The following CTNNA3 variants were observed in gnomAD, a reference collection of about 807,000 sequenced individuals.
CTNNA3 encodes the protein catenin alpha-3.
In CTNNA3, 76 loss-of-function variants were observed where a neutral mutation model predicts 95.7. The ratio of observed to expected loss-of-function variants is 0.79; its 90% CI spans 0.66 to 0.96. CTNNA3 has a LOEUF of 0.96. Among genes scored for constraint, CTNNA3 ranks in the 40% least tolerant of loss-of-function variants. The probability of loss-of-function intolerance (pLI) is 0.00; values close to 1 mark genes in which losing one functional copy is unlikely to be tolerated. For synonymous variants in CTNNA3, 431 were observed against 374.4 expected (o/e 1.15, Z -1.74); for missense variants, 1,191 against 1,089.8 (o/e 1.09, Z -1.31).
chr10:66,546,276 G>A (rs1456582052), intron 10 of CTNNA3, among the ~76,000 whole-genome samples: 1 of 152,060 alleles, frequency 6.6e-6, no homozygotes, highest in African/African-American at 2.4e-5. Context: ...ATATGAGGGA[G>A]AACTCAAATT....
intron 13 of CTNNA3, among the ~76,000 whole-genome samples, chr10:66,173,961 C>G (rs1315681356): frequency 6.6e-6 from 1 of 152,040 alleles, no homozygotes; most frequent in Non-Finnish European, 1.5e-5. Flanking sequence ...AGATTAGGAG[C>G]CAGGCAGTCT....
intron 3 of CTNNA3, among the ~76,000 whole-genome samples, chr10:67,555,179 T>A (rs922379087): frequency 2.0e-5 from 3 of 152,118 alleles, no homozygotes; most frequent in African/African-American, 4.8e-5. Context: ...GTTTGAAGTC[T>A]GGTAGTGTGA....
At chr10:67,169,340 C>T (rs972399093) in intron 7 of CTNNA3, among the ~76,000 whole-genome samples, 9 of 146,484 alleles carry the variant, frequency 6.1e-5, no homozygotes, top group Non-Finnish European at 1.2e-4. Context: ...CAATCCTAAG[C>T]AAAAAAAAAC....
intron 11 of CTNNA3, among the ~76,000 whole-genome samples, chr10:66,427,981 C>T (rs1761494602): frequency 6.6e-6 from 1 of 152,052 alleles, no homozygotes; most frequent in Admixed American, 6.6e-5. Flanking sequence ...AGTCAAGACC[C>T]ATCAGTGTGC....
chr10:67,135,177 A>G (rs1255908281), intron 7 of CTNNA3, among the ~76,000 whole-genome samples: 1 of 152,134 alleles, frequency 6.6e-6, no homozygotes, highest in Non-Finnish European at 1.5e-5. Flanking sequence ...TCATTAATGA[A>G]TATGGGTGAC....
chr10:67,143,534 C>T lies in CTNNA3; in HGVS notation c.1047+36783G>A, dbSNP rs191319025. Reference sequence around the variant, plus strand: ...TTGTAGTCAATCCTCTCAAACCCTGCCACTGTTTTTTCAACTAAGTTTATG... The same window carrying T: ...TTGTAGTCAATCCTCTCAAACCCTGTCACTGTTTTTTCAACTAAGTTTATG... On this transcript the variant is annotated intron_variant, in intron 7 of 17. Coordinates refer to ENST00000433211, the MANE Select transcript of CTNNA3 (RefSeq NM_013266.4). Among the ~76,000 whole-genome samples the T allele has an allele frequency of 1.1e-3, 170 of 151,826 alleles. 1 individual carries two copies. The highest frequency in any genetic ancestry group is 4.0e-3 in the African/African-American group (164 of 41,430).
At chr10:66,342,074 TATTCTA>T (rs2092459712) in intron 12 of CTNNA3, among the ~76,000 whole-genome samples, 1 of 151,992 alleles carries the variant, frequency 6.6e-6, no homozygotes, top group Non-Finnish European at 1.5e-5. Flanking sequence ...CAGATTTCAA[TATTCTA>T]ATTCTAATTC....
At chr10:66,247,104 C>T (rs553950109) in intron 13 of CTNNA3, among the ~76,000 whole-genome samples, 2 of 147,186 alleles carry the variant, frequency 1.4e-5, no homozygotes, top group Admixed American at 1.3e-4. Context: ...TTTGAAAATA[C>T]ACAACCAGAG....
At chr10:66,357,965 A>G (rs1470838468) in intron 12 of CTNNA3, among the ~76,000 whole-genome samples, 1 of 152,180 alleles carries the variant, frequency 6.6e-6, no homozygotes, top group Non-Finnish European at 1.5e-5. Context: ...TGTCTGTTCA[A>G]TGACATTTAA....
intron 7 of CTNNA3, among the ~76,000 whole-genome samples, chr10:66,889,053 A>G (rs187424026): frequency 6.6e-6 from 1 of 152,366 alleles, no homozygotes; most frequent in Admixed American, 6.5e-5. Flanking sequence ...GAAATGAGCT[A>G]TCCAGCCATG....
chr10:66,161,632 T>A (rs1414408766), intron 13 of CTNNA3, among the ~76,000 whole-genome samples: 1 of 152,114 alleles, frequency 6.6e-6, no homozygotes, highest in Non-Finnish European at 1.5e-5. Context: ...CTCTTAAGAG[T>A]CTTTCTTTCA....
At chr10:67,012,679 C>T (rs1852412258) in intron 7 of CTNNA3, among the ~76,000 whole-genome samples, 1 of 152,034 alleles carries the variant, frequency 6.6e-6, no homozygotes, top group Admixed American at 6.6e-5. Flanking sequence ...CATTGGTTGT[C>T]CTCTTAACTT....
intron 7 of CTNNA3, among the ~76,000 whole-genome samples, chr10:66,828,396 C>A (rs1045768720): frequency 2.6e-4 from 40 of 152,312 alleles, no homozygotes; most frequent in African/African-American, 9.4e-4. Flanking sequence ...GCTCCAATTG[C>A]CCCTTGCACT....
chr10:66,329,219 G>C (rs898686948), intron 12 of CTNNA3, among the ~76,000 whole-genome samples: 1 of 151,690 alleles, frequency 6.6e-6, no homozygotes, highest in African/African-American at 2.4e-5. Context: ...CTAAAGTGCT[G>C]GGATTACGGG....
At chr10:66,413,816 C>T (rs2093126142) in intron 11 of CTNNA3, among the ~76,000 whole-genome samples, 1 of 152,116 alleles carries the variant, frequency 6.6e-6, no homozygotes, top group Non-Finnish European at 1.5e-5. Context: ...CAAGGTCTTT[C>T]CTTGAGAGAT....
chr10:66,828,782 G>A (rs4314952), intron 7 of CTNNA3, among the ~76,000 whole-genome samples: 103,035 of 152,098 alleles, frequency 0.68, 35,304 homozygotes, highest in African/African-American at 0.78. Flanking sequence ...GAGAGTCATA[G>A]TCTGCCCAAG....
At chr10:67,133,032 C>T (rs1180930141) in intron 7 of CTNNA3, among the ~76,000 whole-genome samples, 3 of 151,482 alleles carry the variant, frequency 2.0e-5, no homozygotes, top group African/African-American at 7.3e-5. Flanking sequence ...TACTTAACAA[C>T]AATATTATGT....
At chr10:67,673,792 ATAACGGAC>A (rs1434908284) in intron 1 of CTNNA3, among the ~76,000 whole-genome samples, 5 of 136,062 alleles carry the variant, frequency 3.7e-5, no homozygotes, top group African/African-American at 5.3e-5. Context: ...TAAGAAGTTA[ATAACGGAC>A]GTCCGTTATT....
intron 9 of CTNNA3, among the ~76,000 whole-genome samples, chr10:66,714,753 C>T (rs1848400667): frequency 6.6e-6 from 1 of 152,072 alleles, no homozygotes; most frequent in South Asian, 2.1e-4. Flanking sequence ...TTTCAACAAG[C>T]CCTCCAAGTG....
Sources: allele counts gnomAD v4.1 joint callset (sites outside exome capture counted in the v4.1 genomes callset), GRCh38; gene constraint gnomAD v4.1.1; transcripts MANE v1.5; gene names NCBI Gene and HGNC (gene_info 2026-07-23, HGNC 2026-07-21).